Variants in CUX2 observed in about 807,000 individuals in gnomAD.
CUX2 encodes homeobox protein cut-like 2.
Under a neutral mutation model 144.8 loss-of-function variants are expected in CUX2, and 40 were observed. The observed-to-expected ratio is 0.28, with a 90% CI of 0.21 to 0.36. The LOEUF (loss-of-function observed/expected upper bound fraction) is 0.36, where lower values mean the gene tolerates loss of function less well. CUX2 is among the 10% of genes least tolerant of loss of function. The pLI is 1.00. For synonymous variants in CUX2, 827 were observed against 875.6 expected, an observed-to-expected ratio of 0.94 and a Z score of 0.98; for missense variants, 1,615 against 1,994.0, an observed-to-expected ratio of 0.81 and a Z score of 3.62.
rs765648606 is a variant in CUX2, at chr12:111,287,661, G to T, written c.302-3757G>T. Among the ~76,000 whole-genome samples, 4 of 152,232 alleles carry T rather than the reference G, an allele frequency of 2.6e-5. No individual in the cohort carries two copies. The highest frequency in any genetic ancestry group is 5.9e-5 in the Non-Finnish European group (4 of 68,044). On this transcript the variant is annotated intron_variant, in intron 4 of 21. Transcript: ENST00000261726. The surrounding 1 kb of genome is among the most constrained non-coding windows in gnomAD (Gnocchi z 4.2). ...CATAATGGCATACCCTGCTGCGCAG[G>T]CCCTGCCTAATGACGGGGCGTGGGG...
chr12:111,310,459 C>T lies in CUX2; in HGVS notation c.1677C>T (p.Ala559=), dbSNP rs199689266. Residue 559 remains alanine, a synonymous_variant, in exon 15 of 22, where the codon GCC becomes GCT. Transcript: ENST00000261726. The surrounding 1 kb of genome is among the most constrained non-coding windows in gnomAD (Gnocchi z 7.9). ...EEEQLDTAEI[A]FQVKEQLLKH... is the part of the protein sequence containing the mutation. ...AGCAGCTGGACACGGCAGAGATCGC[C>T]TTCCAGGTGAAGGAGCAGCTGCTGA... 1.0e-4 allele frequency: 165 copies of T among 1,613,480 alleles called. No homozygotes were observed. The highest frequency in any genetic ancestry group is 3.3e-4 in the Middle Eastern group (2 of 6,066).
At chr12:111,273,464 T>TAC (rs1167573742) in intron 4 of CUX2, among the ~76,000 whole-genome samples, 1 of 151,960 alleles carries the variant, frequency 6.6e-6, no homozygotes, top group Non-Finnish European at 1.5e-5. Flanking sequence ...TCCTACCCAC[T>TAC]ACCCCAGTTG....
At position 111,350,185 on chromosome 12, in the gene CUX2, T is replaced by G. The variant is rs1217427035; in HGVS notation, c.*1860T>G. ...CAAATCTGGAACAAATGAAACATCT[T>G]TTAGCCACCACCACCCTGTTGCAAT... is the stretch of plus-strand genomic sequence containing the variant. On this transcript the variant is annotated 3_prime_UTR_variant, in exon 22 of 22. Transcript: ENST00000261726. The G allele has an allele frequency of 1.3e-5, 2 of 152,440 alleles. No homozygotes were observed. The highest frequency in any genetic ancestry group is 4.8e-5 in the African/African-American group (2 of 41,452). The allele number at this position is 152,440 out of a possible 1,614,324, so 9.4% of individuals were successfully genotyped here.
intron 1 of CUX2, among the ~76,000 whole-genome samples, chr12:111,173,922 A>G (rs1328815519): frequency 6.6e-6 from 1 of 152,128 alleles, no homozygotes; most frequent in African/African-American, 2.4e-5. Flanking sequence ...TTGGGAGGAG[A>G]GGGCATTCAG....
At chr12:111,338,711 G>A (rs889476239) in intron 20 of CUX2, among the ~76,000 whole-genome samples, 8 of 152,160 alleles carry the variant, frequency 5.3e-5, no homozygotes, top group African/African-American at 1.9e-4. Context: ...GGGAGGCTAA[G>A]ACAGGAGGAT....
chr12:111,244,538 C>T (rs539467335), intron 3 of CUX2, among the ~76,000 whole-genome samples: 7 of 152,318 alleles, frequency 4.6e-5, no homozygotes, highest in South Asian at 4.1e-4. Context: ...ATCACGACCC[C>T]GTGGTGTCAT....
At chr12:111,210,352 G>A (rs1039521175) in intron 1 of CUX2, among the ~76,000 whole-genome samples, 38 of 151,954 alleles carry the variant, frequency 2.5e-4, no homozygotes, top group African/African-American at 8.2e-4. Flanking sequence ...TAATGTCTTT[G>A]CTTGATACAG....
At chr12:111,282,107 G>A (rs1176008556) in intron 4 of CUX2, among the ~76,000 whole-genome samples, 1 of 151,528 alleles carries the variant, frequency 6.6e-6, no homozygotes, top group Non-Finnish European at 1.5e-5. Flanking sequence ...GGATCACGAG[G>A]TCAGGAGATG....
chr12:111,235,742 G>A (rs11829809), intron 3 of CUX2, among the ~76,000 whole-genome samples: 87 of 152,070 alleles, frequency 5.7e-4, no homozygotes, highest in African/African-American at 1.9e-3. Context: ...AGAATGAGGT[G>A]AGCACTAATG....
At position 111,348,359 on chromosome 12, in the gene CUX2, T is replaced by C; in HGVS notation, c.*34T>C. The C allele has an allele frequency of 6.4e-7, 1 of 1,565,070 alleles. No homozygotes were observed. The highest frequency in any genetic ancestry group is 2.3e-5 in the East Asian group (1 of 44,362). On this transcript the variant is annotated 3_prime_UTR_variant, in exon 22 of 22. Transcript: ENST00000261726. ...TGAGGGGGCAAGGGACATACCCTGG[T>C]AACTACCTTCCTTCTCGCACTTACT...
intron 21 of CUX2, among the ~76,000 whole-genome samples, chr12:111,346,053 C>T (rs961171684): frequency 6.7e-6 from 1 of 148,428 alleles, no homozygotes; most frequent in African/African-American, 2.5e-5. Context: ...TGCAGTGAGC[C>T]GAGATCGTGC....
intron 1 of CUX2, among the ~76,000 whole-genome samples, chr12:111,101,956 T>G (rs1873271566): frequency 6.6e-6 from 1 of 152,256 alleles, no homozygotes; most frequent in Non-Finnish European, 1.5e-5. Flanking sequence ...ACATAAAAGG[T>G]TATAGTAAGT....
intron 1 of CUX2, among the ~76,000 whole-genome samples, chr12:111,046,919 A>G (rs1395194881): frequency 1.3e-5 from 2 of 152,352 alleles, no homozygotes; most frequent in Non-Finnish European, 2.9e-5. Flanking sequence ...GGCCTCCCAC[A>G]GTGCTGGGAT....
chr12:111,170,099 G>T (rs922371783), intron 1 of CUX2, among the ~76,000 whole-genome samples: 64 of 152,180 alleles, frequency 4.2e-4, no homozygotes, highest in African/African-American at 1.5e-3. Flanking sequence ...AGCAGTAAGG[G>T]ATTGCACTTG....
At chr12:111,123,916 G>A (rs1874871941) in intron 1 of CUX2, among the ~76,000 whole-genome samples, 1 of 152,194 alleles carries the variant, frequency 6.6e-6, no homozygotes, top group Non-Finnish European at 1.5e-5. Context: ...GCTCAGAGGG[G>A]TAAAACACAG....
At chr12:111,284,732 G>A (rs748617862) in intron 4 of CUX2, among the ~76,000 whole-genome samples, 4 of 152,114 alleles carry the variant, frequency 2.6e-5, no homozygotes, top group Admixed American at 6.5e-5. Flanking sequence ...CTCACCTCCC[G>A]CTTCTTGCTC....
chr12:111,123,608 T>C (rs1331499575), intron 1 of CUX2, among the ~76,000 whole-genome samples: 1 of 152,110 alleles, frequency 6.6e-6, no homozygotes, highest in Admixed American at 6.5e-5. Flanking sequence ...CAGTCATGGA[T>C]CACAGCAACT....
chr12:111,201,460 C>A (rs1475991197), intron 1 of CUX2, among the ~76,000 whole-genome samples: 1 of 152,160 alleles, frequency 6.6e-6, no homozygotes, highest in Non-Finnish European at 1.5e-5. Context: ...CGGTTCCAGC[C>A]CCACTCATGC....
chr12:111,349,325 G>A lies in CUX2; in HGVS notation c.*1000G>A, dbSNP rs1274620565. On this transcript the variant is annotated 3_prime_UTR_variant, in exon 22 of 22. Coordinates refer to ENST00000261726, the MANE Select transcript of CUX2 (RefSeq NM_015267.4). ...AAGTTTCCCCACTTGTAGGAGTGTG[G>A]GTATTCCAGAGCAAGACTGTGGCCA... 6.6e-6 allele frequency: 1 copy of A among 152,172 alleles called. No homozygotes were observed. The highest frequency in any genetic ancestry group is 1.5e-5 in the Non-Finnish European group (1 of 68,064). 9.4% of individuals were successfully genotyped at this position (152,172 alleles called of 1,614,324 possible). A position where few individuals can be genotyped will look rare whatever the true frequency, so the allele number is the denominator to read the frequency against.
Sources: allele counts gnomAD v4.1 joint callset (sites outside exome capture counted in the v4.1 genomes callset), GRCh38; gene constraint gnomAD v4.1.1; non-coding constraint Gnocchi (gnomAD v3.1); transcripts MANE v1.5; gene names NCBI Gene and HGNC (gene_info 2026-07-23, HGNC 2026-07-21).